ZNF618: variants seen among roughly 807,000 people sequenced by gnomAD.
ZNF618 encodes the protein neural precursor cell expressed, developmentally down-regulated 10.
Under a neutral mutation model 103.0 loss-of-function variants are expected in ZNF618, and 34 were observed. The observed-to-expected ratio is 0.33, with a 90% CI of 0.25 to 0.44. The LOEUF (loss-of-function observed/expected upper bound fraction) is 0.44, where lower values mean the gene tolerates loss of function less well. Ranked by LOEUF, ZNF618 falls within the 20% of genes least tolerant of loss-of-function variation. ZNF618 has a pLI of 1.00. For missense variants in ZNF618, 1,059 were observed against 1,295.4 expected, an observed-to-expected ratio of 0.82 and a Z score of 2.80; for synonymous variants, 551 against 542.2, an observed-to-expected ratio of 1.02 and a Z score of -0.23.
intron 1 of ZNF618, among the ~76,000 whole-genome samples, chr9:113,901,780 C>A (rs1439629113): frequency 2.6e-5 from 4 of 152,168 alleles, no homozygotes; most frequent in African/African-American, 9.6e-5. Context: ...CTCTCTCCTG[C>A]TGCCTCCTTG....
At chr9:113,930,559 G>A (rs1161904103) in intron 1 of ZNF618, among the ~76,000 whole-genome samples, 1 of 152,144 alleles carries the variant, frequency 6.6e-6, no homozygotes, top group Non-Finnish European at 1.5e-5. Flanking sequence ...TATTTTTAAG[G>A]CTGTTTCCCA....
chr9:114,013,386 A>G (rs1278100663), intron 9 of ZNF618, among the ~76,000 whole-genome samples: 3 of 152,228 alleles, frequency 2.0e-5, no homozygotes, highest in Non-Finnish European at 4.4e-5. Context: ...AAAATTGCAG[A>G]AGGCAGATTA....
At chr9:113,941,819 T>G (rs1588106226) in intron 1 of ZNF618, among the ~76,000 whole-genome samples, 1 of 152,378 alleles carries the variant, frequency 6.6e-6, no homozygotes, top group East Asian at 1.9e-4. Flanking sequence ...AATGAAAATT[T>G]CAGCCTTTTG....
At chr9:113,918,022 G>A (rs894973019) in intron 1 of ZNF618, among the ~76,000 whole-genome samples, 8 of 152,106 alleles carry the variant, frequency 5.3e-5, no homozygotes, top group African/African-American at 1.9e-4. Flanking sequence ...ATCCCACATT[G>A]CACTTAGTTG....
At chr9:114,031,757 G>A (rs4574916) in intron 11 of ZNF618, among the ~76,000 whole-genome samples, 1 of 152,064 alleles carries the variant, frequency 6.6e-6, no homozygotes, top group East Asian at 1.9e-4. Context: ...TTCTCCTTAA[G>A]AAATGCACTG....
intron 6 of ZNF618, 41 bp from the exon 7 acceptor site, chr9:114,007,309 T>G: frequency 1.3e-6 from 2 of 1,591,704 alleles, no homozygotes; most frequent in Non-Finnish European, 1.7e-6. Context: ...CCCACAAGAC[T>G]GAAGCCCTGG....
chr9:113,945,058 A>G (rs1834891065), intron 1 of ZNF618, among the ~76,000 whole-genome samples: 1 of 152,070 alleles, frequency 6.6e-6, no homozygotes, highest in Non-Finnish European at 1.5e-5. Context: ...CTCAGGGTGA[A>G]TCTACCAGCC....
intron 2 of ZNF618, among the ~76,000 whole-genome samples, chr9:113,976,092 T>G (rs902956758): frequency 1.3e-5 from 2 of 152,160 alleles, no homozygotes; most frequent in Non-Finnish European, 1.5e-5. Context: ...TCTTGAAAAT[T>G]CATATACAGT....
intron 1 of ZNF618, among the ~76,000 whole-genome samples, chr9:113,906,011 A>G (rs1055976437): frequency 1.3e-5 from 2 of 152,118 alleles, no homozygotes; most frequent in African/African-American, 4.8e-5. Context: ...ATTGTTTGAT[A>G]TATTTCGATC....
At chr9:113,876,947 TA>T (rs1433582056) in intron 1 of ZNF618, among the ~76,000 whole-genome samples, 1 of 151,332 alleles carries the variant, frequency 6.6e-6, no homozygotes, top group Non-Finnish European at 1.5e-5. Context: ...TTTTTCCCAT[TA>T]AAACGACGCC....
At chr9:113,983,950 T>C (rs1297306032) in intron 2 of ZNF618, among the ~76,000 whole-genome samples, 1 of 152,124 alleles carries the variant, frequency 6.6e-6, no homozygotes, top group East Asian at 1.9e-4. Context: ...AGTGCCTGCT[T>C]ACTAGAAGGC....
intron 1 of ZNF618, among the ~76,000 whole-genome samples, chr9:113,951,511 G>GTGGGTGCACATATA (rs1564207659): frequency 1.1e-5 from 1 of 94,332 alleles, no homozygotes; most frequent in Non-Finnish European, 2.3e-5. Flanking sequence ...ACACATATAT[G>GTGGGTGCACATATA]TGTGTATATG....
At chr9:113,943,966 T>A (rs1834773232) in intron 1 of ZNF618, among the ~76,000 whole-genome samples, 1 of 152,208 alleles carries the variant, frequency 6.6e-6, no homozygotes, top group Non-Finnish European at 1.5e-5. Context: ...TCAGGTTTCC[T>A]CGTTTTAATG....
chr9:113,891,134 T>C (rs183885894), intron 1 of ZNF618, among the ~76,000 whole-genome samples: 100 of 152,318 alleles, frequency 6.6e-4, no homozygotes, highest in African/African-American at 2.3e-3. Flanking sequence ...GTGTTTTGGA[T>C]TCTTCGTGTG....
chr9:113,891,472 T>A lies in ZNF618; in HGVS notation c.33+15059T>A, dbSNP rs531347012. Among the ~76,000 whole-genome samples the A allele has an allele frequency of 2.2e-4, 33 of 152,232 alleles. No individual in the cohort carries two copies. In the South Asian group the frequency reaches 2.5e-3, roughly 11 times the overall value. The stretch of plus-strand genomic sequence containing the variant: ...CCATTAGTATGGCTGTTATTTTTTT[T>A]AAAAAAGTGTTGGTGAGGATGTGGA... On this transcript the variant is annotated intron_variant, in intron 1 of 14. Transcript: ENST00000374126.
chr9:114,037,618 T>C (rs1844737904), intron 13 of ZNF618, among the ~76,000 whole-genome samples: 1 of 152,180 alleles, frequency 6.6e-6, no homozygotes, highest in African/African-American at 2.4e-5. Flanking sequence ...GCTGCTGTTA[T>C]TTCACCTGTT....
intron 1 of ZNF618, among the ~76,000 whole-genome samples, chr9:113,910,029 C>T (rs910546443): frequency 1.3e-5 from 2 of 152,090 alleles, no homozygotes; most frequent in African/African-American, 4.8e-5. Context: ...AGGATCTGCC[C>T]GCCTTGGCCT....
Position 113,939,541 on chromosome 9 carries a change from C to T in ZNF618, c.34-29576C>T, listed in dbSNP as rs369932288. Among the ~76,000 whole-genome samples the T allele has an allele frequency of 8.5e-4, 129 of 152,162 alleles. 5 individuals carry two copies. In the South Asian group the frequency reaches 0.024, roughly 29 times the overall value. ...GGAATGGTCTCCTCCTCACACCTCACGATTTAGAAAACATAGATATAATTC... is the reference window on the plus strand; with the variant it reads ...GGAATGGTCTCCTCCTCACACCTCATGATTTAGAAAACATAGATATAATTC... On this transcript the variant is annotated intron_variant, in intron 1 of 14. Transcript: ENST00000374126.
chr9:114,005,628 G>A (rs1841675288), intron 6 of ZNF618, among the ~76,000 whole-genome samples: 1 of 152,200 alleles, frequency 6.6e-6, no homozygotes, highest in Non-Finnish European at 1.5e-5. Flanking sequence ...AGCCCAGTCT[G>A]GAACCAGACC....
Sources: allele counts gnomAD v4.1 joint callset (sites outside exome capture counted in the v4.1 genomes callset), GRCh38; gene constraint gnomAD v4.1.1; transcripts MANE v1.5; gene names NCBI Gene and HGNC (gene_info 2026-07-23, HGNC 2026-07-21).